Variants in FBXL7 observed in about 807,000 individuals in gnomAD.
FBXL7 encodes the protein F-box/LRR-repeat protein 7.
In FBXL7, 12 loss-of-function variants were observed where a neutral mutation model predicts 38.3. The ratio of observed to expected loss-of-function variants is 0.31; its 90% CI spans 0.20 to 0.51. The LOEUF (loss-of-function observed/expected upper bound fraction) is 0.51, where lower values mean the gene tolerates loss of function less well. FBXL7 is among the 20% of genes least tolerant of loss of function. FBXL7 has a pLI of 0.98. For missense variants in FBXL7, 567 were observed against 676.4 expected (o/e 0.84, Z 1.79); for synonymous variants, 297 against 300.9 (o/e 0.99, Z 0.13).
At chr5:15,738,234 AC>A (rs1159001392) in intron 2 of FBXL7, among the ~76,000 whole-genome samples, 23 of 152,206 alleles carry the variant, frequency 1.5e-4, no homozygotes, top group Non-Finnish European at 5.9e-5. Flanking sequence ...TGCTTTCCTT[AC>A]ATGTGAAATT....
chr5:15,837,748 A>G (rs546053572), intron 2 of FBXL7, among the ~76,000 whole-genome samples: 3 of 152,170 alleles, frequency 2.0e-5, no homozygotes, highest in Non-Finnish European at 2.9e-5. Context: ...GACCATGAAC[A>G]TAGTGCATTG....
intron 2 of FBXL7, among the ~76,000 whole-genome samples, chr5:15,851,080 AG>A (rs1195956265): frequency 1.3e-5 from 2 of 152,172 alleles, no homozygotes; most frequent in African/African-American, 4.8e-5. Flanking sequence ...CTTGATAGAC[AG>A]CATTGCTTGT....
In FBXL7 at chr5:15,936,864, G is replaced by C; in HGVS notation, c.1154G>C (p.Gly385Ala). 5.6e-6 allele frequency: 9 copies of C among 1,613,932 alleles called. No homozygotes were observed. Among genetic ancestry groups the C allele is most frequent in the Non-Finnish European group, 7.6e-6 (9 of 1,179,844 alleles). The change falls in exon 4 of 4, where the codon GGC becomes GCC. Residue 385 changes from glycine (G) to alanine (A), a missense_variant. Physicochemically the swap from Gly to Ala is moderately conservative, Grantham distance 60. Transcript: ENST00000504595. This position sits in a 1 kb window ranked among gnomAD's most constrained non-coding sequence, Gnocchi z 6.0. ...CSKLRYLNARGCEGITDHGVE... is the reference protein window; with the variant it reads ...CSKLRYLNARACEGITDHGVE... ...AAGCTGCGCTACCTCAACGCGAGGGGCTGCGAGGGCATCACGGACCACGGT... is the reference window on the plus strand; with the variant it reads ...AAGCTGCGCTACCTCAACGCGAGGGCCTGCGAGGGCATCACGGACCACGGT...
intron 2 of FBXL7, among the ~76,000 whole-genome samples, chr5:15,872,344 A>G (rs529164683): frequency 6.6e-6 from 1 of 152,314 alleles, no homozygotes; most frequent in East Asian, 1.9e-4. Flanking sequence ...AAGACCATCA[A>G]CACTATGAAG....
In FBXL7 at chr5:15,937,203, C is replaced by T. The variant is rs755346737; in HGVS notation, c.*17C>T. The T allele has an allele frequency of 8.3e-6, 13 of 1,559,168 alleles. No individual in the cohort carries two copies. The highest frequency in any genetic ancestry group is 6.8e-5 in the African/African-American group (5 of 73,802). On this transcript the variant is annotated 3_prime_UTR_variant, in exon 4 of 4. Coordinates refer to ENST00000504595, the MANE Select transcript of FBXL7 (RefSeq NM_012304.5). ...TTCTTCTGAAGGGACAGAGTTCATC[C>T]GGCGTTGTATTCACACAAACCTGAA... is the stretch of plus-strand genomic sequence containing the variant.
chr5:15,856,735 TC>T (rs1739283774), intron 2 of FBXL7, among the ~76,000 whole-genome samples: 1 of 152,062 alleles, frequency 6.6e-6, no homozygotes, highest in South Asian at 2.1e-4. Flanking sequence ...CTTCCTTCCT[TC>T]CTTCCTTTTT....
At chr5:15,667,427 T>C (rs1010212965) in intron 2 of FBXL7, among the ~76,000 whole-genome samples, 1 of 152,190 alleles carries the variant, frequency 6.6e-6, no homozygotes, top group East Asian at 1.9e-4. Flanking sequence ...TGGAAAAGAC[T>C]TGAATGTCTT....
At chr5:15,841,151 T>C (rs1738736461) in intron 2 of FBXL7, among the ~76,000 whole-genome samples, 1 of 152,172 alleles carries the variant, frequency 6.6e-6, no homozygotes, top group Admixed American at 6.5e-5. Flanking sequence ...ATTCTTATAC[T>C]ATTAACTTCT....
chr5:15,556,768 G>T (rs1231527933), intron 1 of FBXL7, among the ~76,000 whole-genome samples: 1 of 151,990 alleles, frequency 6.6e-6, no homozygotes, highest in African/African-American at 2.4e-5. Context: ...GGCGTTTTTT[G>T]ACTGTGGCAA....
At chr5:15,892,255 C>T (rs1018382402) in intron 2 of FBXL7, among the ~76,000 whole-genome samples, 3 of 152,140 alleles carry the variant, frequency 2.0e-5, no homozygotes, top group Admixed American at 6.5e-5. Flanking sequence ...CAAGGGGGTC[C>T]CTGTGAGCAA....
intron 2 of FBXL7, among the ~76,000 whole-genome samples, chr5:15,650,991 G>A (rs541828057): frequency 1.6e-4 from 24 of 152,108 alleles, no homozygotes; most frequent in Non-Finnish European, 3.1e-4. Flanking sequence ...GTTCTTAATG[G>A]CATCCAGAAT....
intron 2 of FBXL7, among the ~76,000 whole-genome samples, chr5:15,832,598 CA>C (rs1241572374): frequency 6.6e-6 from 1 of 152,130 alleles, no homozygotes; most frequent in Non-Finnish European, 1.5e-5. Flanking sequence ...AAGTGGCTAT[CA>C]GTAGAAGAAG....
At chr5:15,553,312 T>C (rs1032221087) in intron 1 of FBXL7, among the ~76,000 whole-genome samples, 1 of 152,200 alleles carries the variant, frequency 6.6e-6, no homozygotes, top group Non-Finnish European at 1.5e-5. Context: ...AGAATGCTTT[T>C]TCTCTTCCCT....
chr5:15,916,471 A>G (rs1481646629), intron 2 of FBXL7, among the ~76,000 whole-genome samples: 1 of 152,182 alleles, frequency 6.6e-6, no homozygotes, highest in Non-Finnish European at 1.5e-5. Flanking sequence ...GCAGGGAGCC[A>G]GATACAGAGA....
intron 1 of FBXL7, chr5:15,580,786 T>A: frequency 4.1e-6 from 4 of 985,406 alleles, no homozygotes; most frequent in Non-Finnish European, 4.8e-6. Flanking sequence ...GGGTCCTGGC[T>A]GCTCATGGTC....
chr5:15,805,674 A>C (rs1470272212), intron 2 of FBXL7, among the ~76,000 whole-genome samples: 2 of 152,182 alleles, frequency 1.3e-5, no homozygotes, highest in African/African-American at 4.8e-5. Context: ...ACTGAATTTC[A>C]AGCCTAATAA....
chr5:15,842,788 T>G (rs1272086905), intron 2 of FBXL7, among the ~76,000 whole-genome samples: 1 of 152,222 alleles, frequency 6.6e-6, no homozygotes, highest in Non-Finnish European at 1.5e-5. Flanking sequence ...AGACGTTATT[T>G]TGCTCATTTG....
rs1741923185 is a variant in FBXL7, at chr5:15,927,830, G to A, written c.128-60G>A. ...AAAGAAAGAAACCAGTGCTTTTGCTGCCTCCCTGGGGCTCTGCTGAGGCCA... is the reference window on the plus strand; with the variant it reads ...AAAGAAAGAAACCAGTGCTTTTGCTACCTCCCTGGGGCTCTGCTGAGGCCA... On this transcript the variant is annotated intron_variant, in intron 2 of 3. Transcript: ENST00000504595. 7 of 1,313,014 alleles carry A rather than the reference G, an allele frequency of 5.3e-6. No individual in the cohort carries two copies. In the East Asian group the frequency reaches 1.6e-4, roughly 30 times the overall value. 81.3% of individuals were successfully genotyped at this position (1,313,014 alleles called of 1,614,324 possible).
chr5:15,510,593 G>T (rs1294977584), intron 1 of FBXL7, among the ~76,000 whole-genome samples: 1 of 152,100 alleles, frequency 6.6e-6, no homozygotes, highest in Admixed American at 6.5e-5. Context: ...GAGGAGAGAA[G>T]AGGACAAATT....
Sources: gnomAD v4.1 joint callset for allele counts (sites outside exome capture counted in the v4.1 genomes callset) on GRCh38, gnomAD v4.1.1 for gene constraint, Gnocchi (gnomAD v3.1) non-coding constraint, MANE v1.5 for transcripts, NCBI Gene and HGNC (gene_info 2026-07-23, HGNC 2026-07-21) for gene names.